ABHD2: variants seen among roughly 807,000 people sequenced by gnomAD.
ABHD2 encodes the protein monoacylglycerol lipase ABHD2.
In ABHD2, 20 loss-of-function variants were observed where a neutral mutation model predicts 48.1. The observed-to-expected ratio is 0.42, with a 90% CI of 0.29 to 0.60. The LOEUF (loss-of-function observed/expected upper bound fraction) is 0.60, where lower values mean the gene tolerates loss of function less well. Ranked by LOEUF, ABHD2 falls within the 20% of genes least tolerant of loss-of-function variation. The probability of loss-of-function intolerance (pLI) is 0.24; values close to 1 mark genes in which losing one functional copy is unlikely to be tolerated. For missense variants in ABHD2, 405 were observed against 550.9 expected (o/e 0.74, Z 2.65); for synonymous variants, 209 against 214.2 (o/e 0.98, Z 0.21).
At chr15:89,073,334 T>G in the ABHD2 span, among the ~76,000 whole-genome samples, 4 of 152,148 alleles carry the variant, frequency 2.6e-5, no homozygotes, top group Admixed American at 6.5e-5. Flanking sequence ...CTTGCTCTGT[T>G]GCCCAGGCTG....
At chr15:89,187,723 G>A (rs1043341680) in intron 7 of ABHD2, among the ~76,000 whole-genome samples, 4 of 152,210 alleles carry the variant, frequency 2.6e-5, no homozygotes, top group African/African-American at 9.7e-5. Context: ...TTGCCCAAAT[G>A]CTAAATGAGT....
Position 89,151,012 on chromosome 15 carries a change from A to G in ABHD2, c.195-665A>G, listed in dbSNP as rs911442402. 6.6e-6 allele frequency among the ~76,000 whole-genome samples: 1 copy of G among 152,262 alleles called. No homozygotes were observed. The highest frequency in any genetic ancestry group is 1.9e-4 in the East Asian group (1 of 5,206). On this transcript the variant is annotated intron_variant, in intron 3 of 10. Transcript: ENST00000352732. This position sits in a 1 kb window ranked among gnomAD's most constrained non-coding sequence, Gnocchi z 4.7. ...CCTAGAGTCACTCTGTGTTTTTACA[A>G]TGCACCGTTGTTAGCGAGGCTTCAT...
chr15:89,063,259 C>T, the ABHD2 span, among the ~76,000 whole-genome samples: 4 of 151,464 alleles, frequency 2.6e-5, no homozygotes, highest in East Asian at 3.9e-4. Flanking sequence ...TGAGCCACTA[C>T]GCCCGGCCAA....
At chr15:89,144,623 A>T (rs1435326829) in intron 3 of ABHD2, among the ~76,000 whole-genome samples, 2 of 152,216 alleles carry the variant, frequency 1.3e-5, no homozygotes, top group Non-Finnish European at 2.9e-5. Flanking sequence ...GTTGATAAGA[A>T]ATATACAGAA....
chr15:89,167,121 A>G lies in ABHD2; in HGVS notation c.539-8691A>G, dbSNP rs1442076923. On this transcript the variant is annotated intron_variant, in intron 5 of 10. Coordinates refer to ENST00000352732, the MANE Select transcript of ABHD2 (RefSeq NM_152924.5). The surrounding 1 kb of genome is among the most constrained non-coding windows in gnomAD (Gnocchi z 5.5). ...CCCATGATCCAAGACATCTCACTGT[A>G]AGAGCTTCAGGCAGTGATTTTTAAG... Among the ~76,000 whole-genome samples, 1 of 152,214 alleles carries G rather than the reference A, an allele frequency of 6.6e-6. No homozygotes were observed. The highest frequency in any genetic ancestry group is 1.5e-5 in the Non-Finnish European group (1 of 68,034).
the ABHD2 span, among the ~76,000 whole-genome samples, chr15:89,076,999 T>C: frequency 2.0e-5 from 3 of 152,212 alleles, no homozygotes; most frequent in Admixed American, 2.0e-4. Flanking sequence ...TTCTTGTTTT[T>C]TAGTACTTTT....
rs1046414976 is a variant in ABHD2, at chr15:89,120,020, T to C, written c.194+3499T>C. On this transcript the variant is annotated intron_variant, in intron 3 of 10. Transcript: ENST00000352732. The surrounding 1 kb of genome is among the most constrained non-coding windows in gnomAD (Gnocchi z 4.2). Reference sequence around the variant, plus strand: ...ATTAGTCAGTAATCCTGACCGCGGGTAGCTGGTTATGATGACATGCGCGGA... The same window carrying C: ...ATTAGTCAGTAATCCTGACCGCGGGCAGCTGGTTATGATGACATGCGCGGA... Among the ~76,000 whole-genome samples the C allele has an allele frequency of 6.6e-6, 1 of 152,080 alleles. No homozygotes were observed.
chr15:89,095,602 T>C (rs1271291992), intron 1 of ABHD2, among the ~76,000 whole-genome samples: 1 of 152,226 alleles, frequency 6.6e-6, no homozygotes, highest in Non-Finnish European at 1.5e-5. Context: ...AAGCATGTAC[T>C]TAAACTTACT....
In ABHD2 at chr15:89,179,488, G is replaced by A. The variant is rs2051072429; in HGVS notation, c.722+3493G>A. On this transcript the variant is annotated intron_variant, in intron 6 of 10. Transcript: ENST00000352732. The surrounding 1 kb of genome is among the most constrained non-coding windows in gnomAD (Gnocchi z 4.3). ...TTCTTATGAGAATCTAATATCTGAT[G>A]ATCTGTCGCTGTCTCCCATCACCCC... Among the ~76,000 whole-genome samples, 1 of 152,132 alleles carries A rather than the reference G, an allele frequency of 6.6e-6. No homozygotes were observed. Among genetic ancestry groups the A allele is most frequent in the Non-Finnish European group, 1.5e-5 (1 of 68,028 alleles).
chr15:89,076,037 A>G, the ABHD2 span, among the ~76,000 whole-genome samples: 2 of 152,180 alleles, frequency 1.3e-5, no homozygotes, highest in Non-Finnish European at 2.9e-5. Flanking sequence ...CAGGCATCGC[A>G]AGCTCATGCT....
At position 89,201,626 on chromosome 15, in the gene ABHD2, G is replaced by T; in HGVS notation, c.*6203G>T. On this transcript the variant is annotated 3_prime_UTR_variant, in exon 11 of 11. Coordinates refer to ENST00000352732, the MANE Select transcript of ABHD2 (RefSeq NM_152924.5). ...TAATTCCACTGTTGGGCCTCACACA[G>T]TACCGGTGAGGCACGGTAGTCTTCA... 2 of 1,590,858 alleles carry T rather than the reference G, an allele frequency of 1.3e-6. No homozygotes were observed. Among genetic ancestry groups the T allele is most frequent in the East Asian group, 2.2e-5 (1 of 44,794 alleles).
In ABHD2 at chr15:89,188,890, A is replaced by T. The variant is rs1002733417; in HGVS notation, c.926+587A>T. On this transcript the variant is annotated intron_variant, in intron 8 of 10. Transcript: ENST00000352732. The surrounding 1 kb of genome is among the most constrained non-coding windows in gnomAD (Gnocchi z 4.1). The stretch of plus-strand genomic sequence containing the variant: ...CAAGACCCTTCTCAAAATTAAAAAA[A>T]AAAAAAAAGAAGTAGAAAAACAGAA... Among the ~76,000 whole-genome samples the T allele has an allele frequency of 2.0e-5, 3 of 152,008 alleles. No individual in the cohort carries two copies. The highest frequency in any genetic ancestry group is 6.6e-5 in the Admixed American group (1 of 15,264).
chr15:89,144,358 C>T (rs1185672987), intron 3 of ABHD2, among the ~76,000 whole-genome samples: 1 of 152,176 alleles, frequency 6.6e-6, no homozygotes, highest in African/African-American at 2.4e-5. Context: ...GTCTCAAACT[C>T]CTGACCTCAA....
intron 5 of ABHD2, among the ~76,000 whole-genome samples, chr15:89,157,166 T>C (rs1178790394): frequency 6.6e-6 from 1 of 152,240 alleles, no homozygotes; most frequent in Admixed American, 6.5e-5. Flanking sequence ...TTATTTAAAG[T>C]TTTTCAGCAT....
chr15:89,096,615 T>C (rs913303775), intron 1 of ABHD2, among the ~76,000 whole-genome samples: 1 of 152,178 alleles, frequency 6.6e-6, no homozygotes, highest in Non-Finnish European at 1.5e-5. Flanking sequence ...TTGAGAAATA[T>C]TAGCTGAGTT....
chr15:89,092,473 T>A lies in ABHD2; in HGVS notation c.-107+3910T>A, dbSNP rs1901634706. ...TTTAAAATTGTTTTTAATAGAAATTTTAAAATTTTTTAATTCAAATTTTAG... is the reference window on the plus strand; with the variant it reads ...TTTAAAATTGTTTTTAATAGAAATTATAAAATTTTTTAATTCAAATTTTAG... On this transcript the variant is annotated intron_variant, in intron 1 of 10. Coordinates refer to ENST00000352732, the MANE Select transcript of ABHD2 (RefSeq NM_152924.5). This position sits in a 1 kb window ranked among gnomAD's most constrained non-coding sequence, Gnocchi z 4.4. Among the ~76,000 whole-genome samples the A allele has an allele frequency of 6.6e-6, 1 of 152,238 alleles. No homozygotes were observed. The highest frequency in any genetic ancestry group is 6.5e-5 in the Admixed American group (1 of 15,286).
the ABHD2 span, among the ~76,000 whole-genome samples, chr15:89,050,225 A>G: frequency 6.6e-6 from 1 of 152,172 alleles, no homozygotes; most frequent in African/African-American, 2.4e-5. Flanking sequence ...AGCCACACAC[A>G]TGAACCCAGA....
intron 2 of ABHD2, among the ~76,000 whole-genome samples, chr15:89,115,660 T>C (rs762683145): frequency 2.0e-5 from 3 of 152,120 alleles, no homozygotes; most frequent in Non-Finnish European, 2.9e-5. Flanking sequence ...CTGAAACCCT[T>C]AGTAGCCAGG....
chr15:89,113,092 G>A (rs2049901312), intron 1 of ABHD2, among the ~76,000 whole-genome samples: 1 of 152,136 alleles, frequency 6.6e-6, no homozygotes, highest in African/African-American at 2.4e-5. Context: ...GCAGCTTCTT[G>A]CACTAGGCTC....
Sources: allele counts gnomAD v4.1 joint callset (sites outside exome capture counted in the v4.1 genomes callset), GRCh38; gene constraint gnomAD v4.1.1; non-coding constraint Gnocchi (gnomAD v3.1); transcripts MANE v1.5; gene names NCBI Gene and HGNC (gene_info 2026-07-23, HGNC 2026-07-21).